The following ITPR3 variants were observed in gnomAD, a reference collection of about 807,000 sequenced individuals.
ITPR3 encodes the protein inositol 1,4,5-trisphosphate-gated calcium channel ITPR3.
ITPR3 carries 173 observed loss-of-function variants against 293.2 expected under a neutral mutation model. The ratio of observed to expected loss-of-function variants is 0.59; its 90% confidence interval spans 0.52 to 0.67. The LOEUF is 0.67. ITPR3 is among the 30% of genes least tolerant of loss of function. The probability of loss-of-function intolerance (pLI) is 0.00; values close to 1 mark genes in which losing one functional copy is unlikely to be tolerated. For missense variants in ITPR3, 2,796 were observed against 3,592.1 expected (o/e 0.78, Z 5.66); for synonymous variants, 1,295 against 1,444.4 (o/e 0.90, Z 2.35).
In ITPR3 at chr6:33,688,323, C is replaced by T. The variant is rs142820127; in HGVS notation, c.6460C>T (p.Arg2154Trp). 1.1e-5 allele frequency: 18 copies of T among 1,614,132 alleles called. No individual in the cohort carries two copies. The highest frequency in any genetic ancestry group is 1.5e-5 in the Non-Finnish European group (18 of 1,180,006). Reference sequence around the variant, plus strand: ...GTTCCTGACGGAGGAAACCAAGCACCGGCTCTTCACCACTACTGAGCAGGA... The same window carrying T: ...GTTCCTGACGGAGGAAACCAAGCACTGGCTCTTCACCACTACTGAGCAGGA... ...CQFLTEETKHRLFTTTEQDEQ... is the reference protein window; with the variant it reads ...CQFLTEETKHWLFTTTEQDEQ... The change falls in exon 48 of 58, where the codon CGG becomes TGG. Residue 2154 changes from arginine (R) to tryptophan (W), a missense_variant. Arg to Trp is a moderately radical substitution (Grantham distance 101, BLOSUM62 -3). Coordinates refer to ENST00000605930, the MANE Select transcript of ITPR3 (RefSeq NM_002224.4).
chr6:33,663,786 T>C lies in ITPR3; in HGVS notation c.1054T>C (p.Tyr352His). Residue 352 changes from tyrosine to histidine, a missense_variant, in exon 11 of 58, where the codon TAC (tyrosine) becomes CAC (histidine). Tyr to His is a moderately conservative substitution (Grantham distance 83). Coordinates refer to ENST00000605930, the MANE Select transcript of ITPR3 (RefSeq NM_002224.4). ...CAGGAATGCTGGGGAGAAGATCAAG[T>C]ACTGCCTGGTGGCTGTGCCTCATGG... ...GRRNAGEKIK[Y>H]CLVAVPHGND... is the part of the protein sequence containing the mutation. 2.5e-6 allele frequency: 4 copies of C among 1,614,190 alleles called. No individual in the cohort carries two copies. The highest frequency in any genetic ancestry group is 3.4e-6 in the Non-Finnish European group (4 of 1,180,012).
In ITPR3 at chr6:33,663,496, C is replaced by T; in HGVS notation, c.955-4C>T. ...GCTCCCCCACATCTTGTATCTCTGT[C>T]CAGGAGAACCCCAGTTACAAAGGTG... On this transcript the variant is annotated splice_region_variant and splice_polypyrimidine_tract_variant and intron_variant, in intron 9 of 57. Coordinates refer to ENST00000605930, the MANE Select transcript of ITPR3 (RefSeq NM_002224.4). 6.2e-7 allele frequency: 1 copy of T among 1,603,734 alleles called. No individual in the cohort carries two copies. Among genetic ancestry groups the T allele is most frequent in the Non-Finnish European group, 8.5e-7 (1 of 1,174,640 alleles).
rs1765390887 is a variant in ITPR3, at chr6:33,691,584, C to T, written c.7226-31C>T. Reference sequence around the variant, plus strand: ...CAGGGGATAAGGCCAGGCACTGGACCTCCTGATGATCTCATCCATATCCCC... The same window carrying T: ...CAGGGGATAAGGCCAGGCACTGGACTTCCTGATGATCTCATCCATATCCCC... On this transcript the variant is annotated intron_variant, in intron 52 of 57. Coordinates refer to ENST00000605930, the MANE Select transcript of ITPR3 (RefSeq NM_002224.4). This position sits in a 1 kb window ranked among gnomAD's most constrained non-coding sequence, Gnocchi z 4.9. The T allele has an allele frequency of 6.3e-7, 1 of 1,583,234 alleles. No individual in the cohort carries two copies. Among genetic ancestry groups the T allele is most frequent in the South Asian group, 1.1e-5 (1 of 90,034 alleles).
rs535664983 is a variant in ITPR3 at position 33,666,612 on chromosome 6, T to G, written c.1552-517T>G. On this transcript the variant is annotated intron_variant, in intron 14 of 57. Transcript: ENST00000605930. This position sits in a 1 kb window ranked among gnomAD's most constrained non-coding sequence, Gnocchi z 5.1. ...AATGTCTTTGTAAAGTTTGTTTTTT[T>G]TTTTTTAGAAACGAGGATCCAATTA... Among the ~76,000 whole-genome samples the G allele has an allele frequency of 6.6e-6, 1 of 152,174 alleles. No homozygotes were observed. The highest frequency in any genetic ancestry group is 2.4e-5 in the African/African-American group (1 of 41,522).
At chr6:33,641,601 C>T (rs775184994) in intron 2 of ITPR3, among the ~76,000 whole-genome samples, 10 of 151,934 alleles carry the variant, frequency 6.6e-5, no homozygotes, top group East Asian at 1.9e-4. Flanking sequence ...TGGCCCTGGA[C>T]GAACCGCACC....
chr6:33,690,177 T>C lies in ITPR3; in HGVS notation c.7011T>C (p.His2337=), dbSNP rs574431563. 1.2e-6 allele frequency: 2 copies of C among 1,613,962 alleles called. No homozygotes were observed. Among genetic ancestry groups the C allele is most frequent in the African/African-American group, 1.3e-5 (1 of 75,000 alleles). Residue 2337 remains histidine (H), a synonymous_variant, in exon 51 of 58, where the codon CAT becomes CAC. Transcript: ENST00000605930. ...CCAGTGTCCTGGGCCTCTTTGCTCA[T>C]GAGCTGTTCTACAGCATCCTGGTGA... The part of the protein sequence containing the change: ...ILTSVLGLFA[H]ELFYSILLFD...
In ITPR3 at chr6:33,687,867, A is replaced by C. The variant is rs1287680235; in HGVS notation, c.6265-190A>C. The stretch of plus-strand genomic sequence containing the variant: ...GGGATTCTCTGGTCATGGCTCTCCC[A>C]CTCCCCTCCCTTTGGCACCAGGTTC... On this transcript the variant is annotated intron_variant, in intron 46 of 57. Transcript: ENST00000605930. The surrounding 1 kb of genome is among the most constrained non-coding windows in gnomAD (Gnocchi z 5.3). 6.6e-6 allele frequency among the ~76,000 whole-genome samples: 1 copy of C among 151,260 alleles called. No homozygotes were observed. Among genetic ancestry groups the C allele is most frequent in the African/African-American group, 2.4e-5 (1 of 41,136 alleles).
rs1765271341 is a variant in ITPR3 at position 33,687,641 on chromosome 6, T to G, written c.6264+77T>G. 9 of 1,157,998 alleles carry G rather than the reference T, an allele frequency of 7.8e-6. No individual in the cohort carries two copies. The highest frequency in any genetic ancestry group is 1.1e-5 in the Non-Finnish European group (9 of 791,088). The allele number at this position is 1,157,998 out of a possible 1,614,324, so 71.7% of individuals were successfully genotyped here. ...GGACACTTGACCCAAGGGCGTGGCCTGGAACAGAGTGAGGCCCTAGAATAT... is the reference window on the plus strand; with the variant it reads ...GGACACTTGACCCAAGGGCGTGGCCGGGAACAGAGTGAGGCCCTAGAATAT... On this transcript the variant is annotated intron_variant, in intron 46 of 57. Transcript: ENST00000605930. This position sits in a 1 kb window ranked among gnomAD's most constrained non-coding sequence, Gnocchi z 5.3.
intron 43 of ITPR3, among the ~76,000 whole-genome samples, chr6:33,686,725 T>C (rs990521658): frequency 4.6e-5 from 7 of 151,214 alleles, no homozygotes; most frequent in African/African-American, 1.7e-4. Flanking sequence ...GAACATACAC[T>C]CACTCTGGAT....
Position 33,664,746 on chromosome 6 carries a change from C to T in ITPR3, c.1149-124C>T. 5 of 783,438 alleles carry T rather than the reference C, an allele frequency of 6.4e-6. 1 individual carries two copies. Among genetic ancestry groups the T allele is most frequent in the Non-Finnish European group, 4.3e-6 (2 of 469,804 alleles). 48.5% of individuals were successfully genotyped at this position (783,438 alleles called of 1,614,324 possible). A position where few individuals can be genotyped will look rare whatever the true frequency, so the allele number is the denominator to read the frequency against. On this transcript the variant is annotated intron_variant, in intron 11 of 57. Transcript: ENST00000605930. The surrounding 1 kb of genome is among the most constrained non-coding windows in gnomAD (Gnocchi z 4.4). The stretch of plus-strand genomic sequence containing the variant: ...TGGAGGGGCACCAGTGGCTCCTGTC[C>T]CACAGCTGTTGAGGGTGTGGAGTAG...
In ITPR3 at chr6:33,675,828, G is replaced by A. The variant is rs1232758322; in HGVS notation, c.3254G>A (p.Arg1085His). 11 of 1,580,026 alleles carry A rather than the reference G, an allele frequency of 7.0e-6. No homozygotes were observed. Among genetic ancestry groups the A allele is most frequent in the South Asian group, 1.1e-5 (1 of 87,070 alleles). The change falls in exon 25 of 58, where the codon CGC becomes CAC. Residue 1085 changes from arginine (R) to histidine (H), a missense_variant. Coordinates refer to ENST00000605930, the MANE Select transcript of ITPR3 (RefSeq NM_002224.4). The surrounding 1 kb of genome is among the most constrained non-coding windows in gnomAD (Gnocchi z 5.0). ...LQLLFKHFSQ[R>H]QEAMHTFKQV... is the part of the protein sequence containing the mutation. Reference sequence around the variant, plus strand: ...CTGCTCTTCAAGCACTTCAGCCAGCGCCAGGAGGCCATGCACACCTTCAAG... The same window carrying A: ...CTGCTCTTCAAGCACTTCAGCCAGCACCAGGAGGCCATGCACACCTTCAAG...
At chr6:33,689,628 C>T (rs1401910041) in intron 50 of ITPR3, among the ~76,000 whole-genome samples, 1 of 152,244 alleles carries the variant, frequency 6.6e-6, no homozygotes, top group Non-Finnish European at 1.5e-5. Flanking sequence ...GACAGAAATT[C>T]AAGAGTCCCT....
chr6:33,657,527 G>A (rs1052079045), intron 3 of ITPR3, among the ~76,000 whole-genome samples: 6 of 151,748 alleles, frequency 4.0e-5, no homozygotes, highest in African/African-American at 1.5e-4. Context: ...GTTTGGACTG[G>A]GACAAGGGTC....
rs1320910025 is a variant in ITPR3, at chr6:33,662,761, T to C, written c.858+87T>C. 5.2e-6 allele frequency: 8 copies of C among 1,543,604 alleles called. No individual in the cohort carries two copies. The Admixed American group carries it at 1.4e-4, about 27-fold the overall frequency. On this transcript the variant is annotated intron_variant, in intron 8 of 57. Transcript: ENST00000605930. ...CCCACCATCCTGGAGGGTGGGATAT[T>C]GACCCCTACCTCCCTCTGAGTCCCT...
chr6:33,630,712 T>C (rs1157004335), intron 1 of ITPR3, among the ~76,000 whole-genome samples: 1 of 152,190 alleles, frequency 6.6e-6, no homozygotes, highest in African/African-American at 2.4e-5. Flanking sequence ...TGGGCCAAGT[T>C]TAGTTGTTCT....
Position 33,668,632 on chromosome 6 carries a change from C to T in ITPR3, c.2004C>T (p.Thr668=), listed in dbSNP as rs753261156. ...AGAACAGTGACATTCTCATCCGGAC[C>T]GAGTGAGCCCTGTGCCCCCTGCCCG... ...DPKNSDILIR[T]ELRPVKEMAQ... Residue 668 remains threonine (T), a splice_region_variant and synonymous_variant, in exon 17 of 58, where the codon ACC becomes ACT. Coordinates refer to ENST00000605930, the MANE Select transcript of ITPR3 (RefSeq NM_002224.4). The T allele has an allele frequency of 3.7e-6, 6 of 1,614,086 alleles. No homozygotes were observed. The highest frequency in any genetic ancestry group is 2.2e-5 in the South Asian group (2 of 91,088).
rs1764261761 is a variant in ITPR3, at chr6:33,654,475, T to C, written c.161-1291T>C. Among the ~76,000 whole-genome samples, 1 of 152,144 alleles carries C rather than the reference T, an allele frequency of 6.6e-6. No individual in the cohort carries two copies. Among genetic ancestry groups the C allele is most frequent in the Non-Finnish European group, 1.5e-5 (1 of 68,020 alleles). On this transcript the variant is annotated intron_variant, in intron 2 of 57. Coordinates refer to ENST00000605930, the MANE Select transcript of ITPR3 (RefSeq NM_002224.4). This position sits in a 1 kb window ranked among gnomAD's most constrained non-coding sequence, Gnocchi z 4.1. The stretch of plus-strand genomic sequence containing the variant: ...CTTCCTTGATCTTTGGTTCACTCTG[T>C]TTCTACTCCCGATGGTCCCATGGAG...
rs751187880 is a variant in ITPR3 at position 33,671,170 on chromosome 6, C to T, written c.2592C>T (p.Val864=). 5 of 1,613,526 alleles carry T rather than the reference C, an allele frequency of 3.1e-6. No individual in the cohort carries two copies. The South Asian group carries it at 4.4e-5, about 14-fold the overall frequency. The stretch of plus-strand genomic sequence containing the variant: ...CGGCCACGCCCCCTTCGCAGGTGGT[C>T]AGCCTGGCGCACAATCTCATCTACT... The part of the protein sequence containing the change: ...EEKNKLTFEV[V]SLAHNLIYFG... The change falls in exon 21 of 58, where the codon GTC becomes GTT. Residue 864 remains valine, a synonymous_variant. Coordinates refer to ENST00000605930, the MANE Select transcript of ITPR3 (RefSeq NM_002224.4).
At chr6:33,657,892 C>T (rs1764351772) in intron 3 of ITPR3, 40 bp from the exon 4 acceptor site, 1 of 1,587,784 alleles carries the variant, frequency 6.3e-7, no homozygotes, top group Non-Finnish European at 8.6e-7. Flanking sequence ...CTAGGAGCAG[C>T]TTCTGAGCCC....
Sources: gnomAD v4.1 joint callset for allele counts (sites outside exome capture counted in the v4.1 genomes callset) on GRCh38, gnomAD v4.1.1 for gene constraint, Gnocchi (gnomAD v3.1) non-coding constraint, MANE v1.5 for transcripts, NCBI Gene and HGNC (gene_info 2026-07-23, HGNC 2026-07-21) for gene names.